The following IMMP2L variants were observed in gnomAD, a reference collection of about 807,000 sequenced individuals.
IMMP2L encodes the protein inner mitochondrial membrane peptidase subunit 2.
Under a neutral mutation model 19.3 loss-of-function variants are expected in IMMP2L, and 18 were observed. That is an observed-to-expected ratio of 0.93 (90% CI 0.64 to 1.38). IMMP2L has a LOEUF of 1.38. IMMP2L is among the 40% of genes most tolerant of loss of function. The pLI is 0.00. For synonymous variants in IMMP2L, 76 were observed against 73.0 expected (o/e 1.04, Z -0.21); for missense variants, 233 against 218.2 (o/e 1.07, Z -0.43).
chr7:110,831,396 T>C (rs953143), intron 5 of IMMP2L, among the ~76,000 whole-genome samples: 33,573 of 152,108 alleles, frequency 0.22, 3,808 homozygotes, highest in Non-Finnish European at 0.25. Flanking sequence ...TAATTCTGTC[T>C]CCAAAGTCCC....
intron 3 of IMMP2L, among the ~76,000 whole-genome samples, chr7:111,275,552 A>G (rs1818934092): frequency 6.6e-6 from 1 of 152,184 alleles, no homozygotes; most frequent in Admixed American, 6.6e-5. Flanking sequence ...ATCAGATACA[A>G]CTTATTCAGT....
intron 3 of IMMP2L, among the ~76,000 whole-genome samples, chr7:111,104,529 C>A (rs1798328270): frequency 1.3e-5 from 2 of 151,720 alleles, no homozygotes; most frequent in Admixed American, 1.3e-4. Context: ...GCTGAGGGGA[C>A]ATTATATGTG....
chr7:111,167,039 T>C (rs1441744944), intron 3 of IMMP2L, among the ~76,000 whole-genome samples: 1 of 151,912 alleles, frequency 6.6e-6, no homozygotes, highest in Non-Finnish European at 1.5e-5. Flanking sequence ...TTCAACCCAC[T>C]ACACCACAGA....
rs1025788999 is a variant in IMMP2L at position 110,727,520 on chromosome 7, A to T, written c.409-63799T>A. On this transcript the variant is annotated intron_variant, in intron 5 of 5. Coordinates refer to ENST00000405709, the MANE Select transcript of IMMP2L (RefSeq NM_032549.4). The surrounding 1 kb of genome is among the most constrained non-coding windows in gnomAD (Gnocchi z 4.3). The stretch of plus-strand genomic sequence containing the variant: ...ATCACTGTTTCCTCCTCTCCCTCCC[A>T]GTGCTCCAAACCAGTAAGAGTCAGA... Among the ~76,000 whole-genome samples the T allele has an allele frequency of 6.6e-6, 1 of 152,230 alleles. No homozygotes were observed. Among genetic ancestry groups the T allele is most frequent in the Admixed American group, 6.5e-5 (1 of 15,292 alleles).
At chr7:110,990,658 T>TA (rs1244304136) in intron 3 of IMMP2L, among the ~76,000 whole-genome samples, 1 of 152,186 alleles carries the variant, frequency 6.6e-6, no homozygotes, top group East Asian at 1.9e-4. Flanking sequence ...CTTCATTATC[T>TA]GGTAGCTGGG....
intron 3 of IMMP2L, among the ~76,000 whole-genome samples, chr7:111,235,915 T>G (rs1427548531): frequency 6.6e-6 from 1 of 152,108 alleles, no homozygotes; most frequent in Non-Finnish European, 1.5e-5. Context: ...TTTCTATTGT[T>G]ATGATGTCAC....
intron 4 of IMMP2L, among the ~76,000 whole-genome samples, chr7:110,901,171 T>C (rs939523788): frequency 2.0e-5 from 3 of 152,154 alleles, no homozygotes; most frequent in African/African-American, 7.2e-5. Context: ...CCTGGGTTTA[T>C]AATCTATCCA....
At chr7:110,869,334 T>C (rs1191830953) in intron 5 of IMMP2L, among the ~76,000 whole-genome samples, 1 of 152,172 alleles carries the variant, frequency 6.6e-6, no homozygotes, top group Non-Finnish European at 1.5e-5. Context: ...GGGCAGATTA[T>C]ACATAAGTGC....
At chr7:111,535,705 A>T (rs562971983) in intron 1 of IMMP2L, among the ~76,000 whole-genome samples, 1 of 152,270 alleles carries the variant, frequency 6.6e-6, no homozygotes, top group South Asian at 2.1e-4. Context: ...ACAGTGAGAG[A>T]AACAATTGTG....
Position 110,728,068 on chromosome 7 carries a change from C to A in IMMP2L, c.409-64347G>T, listed in dbSNP as rs1396832119. ...TTTCTTCTTCTGAAGAACAGGGGTA[C>A]CAACAATATATACTTCATAATGTTG... On this transcript the variant is annotated intron_variant, in intron 5 of 5. Transcript: ENST00000405709. This position sits in a 1 kb window ranked among gnomAD's most constrained non-coding sequence, Gnocchi z 4.6. Among the ~76,000 whole-genome samples, 2 of 152,080 alleles carry A rather than the reference C, an allele frequency of 1.3e-5. No homozygotes were observed. The highest frequency in any genetic ancestry group is 4.8e-5 in the African/African-American group (2 of 41,408).
chr7:111,323,270 C>T (rs1367554987), intron 3 of IMMP2L, among the ~76,000 whole-genome samples: 3 of 151,944 alleles, frequency 2.0e-5, no homozygotes, highest in Admixed American at 1.3e-4. Flanking sequence ...CCAGAATCTA[C>T]AATGAACTCA....
chr7:111,064,953 A>C (rs1285498972), intron 3 of IMMP2L, among the ~76,000 whole-genome samples: 1 of 152,184 alleles, frequency 6.6e-6, no homozygotes, highest in African/African-American at 2.4e-5. Flanking sequence ...GCCGGACTAC[A>C]AATGGCCCAG....
intron 1 of IMMP2L, among the ~76,000 whole-genome samples, chr7:111,539,260 AAG>A (rs1159538424): frequency 1.4e-5 from 2 of 144,302 alleles, no homozygotes; most frequent in Non-Finnish European, 3.1e-5. Context: ...GAAAGAAAGA[AAG>A]AAAGAAAGAG....
chr7:110,723,270 C>T (rs1253490897), intron 5 of IMMP2L, among the ~76,000 whole-genome samples: 1 of 152,114 alleles, frequency 6.6e-6, no homozygotes, highest in Non-Finnish European at 1.5e-5. Context: ...ACATTCCCCT[C>T]CAAGCAAAGA....
intron 4 of IMMP2L, among the ~76,000 whole-genome samples, chr7:110,938,979 T>C (rs1277014376): frequency 6.6e-6 from 1 of 152,126 alleles, no homozygotes; most frequent in Non-Finnish European, 1.5e-5. Flanking sequence ...ACTTCACATA[T>C]GAACATACAA....
At chr7:111,151,830 G>A (rs1035078869) in intron 3 of IMMP2L, among the ~76,000 whole-genome samples, 3 of 152,100 alleles carry the variant, frequency 2.0e-5, no homozygotes, top group African/African-American at 7.2e-5. Flanking sequence ...CAGCTACTCA[G>A]GAGGCTGAGG....
chr7:110,835,272 G>A (rs1804339003), intron 5 of IMMP2L, among the ~76,000 whole-genome samples: 1 of 152,214 alleles, frequency 6.6e-6, no homozygotes, highest in Non-Finnish European at 1.5e-5. Context: ...TGCTGGGAGA[G>A]AGGGTAGTAT....
At chr7:111,096,592 T>C (rs552873371) in intron 3 of IMMP2L, among the ~76,000 whole-genome samples, 1 of 151,284 alleles carries the variant, frequency 6.6e-6, no homozygotes, top group South Asian at 2.1e-4. Context: ...TACTCATCCA[T>C]ATGTTTGTCT....
At chr7:111,192,564 C>T (rs1411431759) in intron 3 of IMMP2L, among the ~76,000 whole-genome samples, 3 of 152,022 alleles carry the variant, frequency 2.0e-5, no homozygotes, top group Non-Finnish European at 4.4e-5. Flanking sequence ...TGAAAGATAG[C>T]AATCTCAATT....
Sources: allele counts gnomAD v4.1 joint callset (sites outside exome capture counted in the v4.1 genomes callset), GRCh38; gene constraint gnomAD v4.1.1; non-coding constraint Gnocchi (gnomAD v3.1); transcripts MANE v1.5; gene names NCBI Gene and HGNC (gene_info 2026-07-23, HGNC 2026-07-21).